The following TBC1D19 variants were observed in gnomAD, a reference collection of about 807,000 sequenced individuals.
TBC1D19 encodes the protein TBC1 domain family member 19.
Under a neutral mutation model 89.0 loss-of-function variants are expected in TBC1D19, and 60 were observed. The observed-to-expected ratio is 0.67, with a 90% CI of 0.55 to 0.84. The LOEUF (loss-of-function observed/expected upper bound fraction) is 0.84. Ranked by LOEUF, TBC1D19 falls within the 40% of genes least tolerant of loss-of-function variation. The probability of loss-of-function intolerance (pLI) is 0.00; values close to 1 mark genes in which losing one functional copy is unlikely to be tolerated. For synonymous variants in TBC1D19, 189 were observed against 199.7 expected (o/e 0.95, Z 0.45); for missense variants, 500 against 610.8 (o/e 0.82, Z 1.91).
chr4:26,591,757 C>T (rs901960686), intron 1 of TBC1D19, among the ~76,000 whole-genome samples: 7 of 152,300 alleles, frequency 4.6e-5, no homozygotes, highest in Non-Finnish European at 7.3e-5. Flanking sequence ...ATAAATTCCT[C>T]GACACATACA....
intron 1 of TBC1D19, among the ~76,000 whole-genome samples, chr4:26,606,369 T>A (rs260947): frequency 0.88 from 134,593 of 152,176 alleles, 61,739 homozygotes; most frequent in Non-Finnish European, 1. Context: ...TTGTGGACTT[T>A]AAAGGAGAAG....
intron 15 of TBC1D19, among the ~76,000 whole-genome samples, chr4:26,725,093 ACAAGATCCCCC>A (rs1278141840): frequency 2.6e-5 from 4 of 152,204 alleles, no homozygotes; most frequent in African/African-American, 9.7e-5. Context: ...ATATTTTGAT[ACAAGATCCCCC>A]TGGTACCAGC....
At chr4:26,652,298 C>T (rs1019070533) in intron 7 of TBC1D19, among the ~76,000 whole-genome samples, 1 of 152,112 alleles carries the variant, frequency 6.6e-6, no homozygotes, top group African/African-American at 2.4e-5. Flanking sequence ...GTACCAGCTC[C>T]TCTTTGTACC....
chr4:26,683,622 G>T, intron 11 of TBC1D19, 53 bp from the exon 12 acceptor site: 1 of 1,443,660 alleles, frequency 6.9e-7, no homozygotes, highest in South Asian at 1.2e-5. Flanking sequence ...GTTTAAGGCT[G>T]ACTTTATAAA....
chr4:26,648,884 C>G (rs61336088), intron 7 of TBC1D19, among the ~76,000 whole-genome samples: 8,973 of 151,988 alleles, frequency 0.059, 300 homozygotes, highest in East Asian at 0.11. Context: ...AACATTGTTT[C>G]TTTGAGGACA....
At chr4:26,694,737 A>G (rs1157835496) in intron 13 of TBC1D19, among the ~76,000 whole-genome samples, 1 of 152,224 alleles carries the variant, frequency 6.6e-6, no homozygotes, top group Non-Finnish European at 1.5e-5. Context: ...CTCTTCAGCT[A>G]TATTCGCTGT....
chr4:26,614,654 G>A (rs866123322), intron 3 of TBC1D19, among the ~76,000 whole-genome samples: 2 of 151,854 alleles, frequency 1.3e-5, no homozygotes, highest in African/African-American at 4.8e-5. Flanking sequence ...TTTTGTTTTT[G>A]TTTTTTACCA....
intron 15 of TBC1D19, among the ~76,000 whole-genome samples, chr4:26,734,934 G>GTGTATATATGTATACACATGTATA (rs1717883991): frequency 8.5e-6 from 1 of 118,056 alleles, no homozygotes; most frequent in African/African-American, 3.2e-5. Context: ...ACATATATGT[G>GTGTATATATGTATACACATGTATA]TGTATATATG....
At chr4:26,617,334 A>G (rs1419178422) in intron 3 of TBC1D19, among the ~76,000 whole-genome samples, 1 of 152,224 alleles carries the variant, frequency 6.6e-6, no homozygotes, top group Non-Finnish European at 1.5e-5. Context: ...TGAGTTTTGG[A>G]AAGGACAAAC....
downstream of TBC1D19, among the ~76,000 whole-genome samples, chr4:26,758,946 C>T (rs1719363154): frequency 6.6e-6 from 1 of 152,190 alleles, no homozygotes; most frequent in Admixed American, 6.5e-5. Flanking sequence ...TTGTATATTT[C>T]AGACCTACTG....
At chr4:26,760,404 A>G (rs1719416702), downstream of TBC1D19, among the ~76,000 whole-genome samples, 1 of 152,080 alleles carries the variant, frequency 6.6e-6, no homozygotes, top group African/African-American at 2.4e-5. Context: ...CCCTACAAAA[A>G]ATACAAAAAA....
chr4:26,643,077 C>A (rs1304059055), intron 7 of TBC1D19, among the ~76,000 whole-genome samples: 4 of 152,166 alleles, frequency 2.6e-5, no homozygotes, highest in Non-Finnish European at 5.9e-5. Flanking sequence ...CCAAGCTGAT[C>A]TAATAGACAT....
At chr4:26,856,851 C>T in the TBC1D19 span, among the ~76,000 whole-genome samples, 473 of 152,280 alleles carry the variant, frequency 3.1e-3, no homozygotes, top group African/African-American at 0.01. Context: ...ATAATATAAA[C>T]GACTCACCCC....
the TBC1D19 span, among the ~76,000 whole-genome samples, chr4:26,775,299 T>A: frequency 2.0e-5 from 3 of 151,928 alleles, no homozygotes; most frequent in African/African-American, 7.3e-5. Context: ...AAAACATTTT[T>A]AAAAATTAAC....
At chr4:26,801,805 A>G in the TBC1D19 span, among the ~76,000 whole-genome samples, 1 of 152,214 alleles carries the variant, frequency 6.6e-6, no homozygotes, top group African/African-American at 2.4e-5. Context: ...TGACCAACGC[A>G]TATGTGAAAA....
chr4:26,843,024 T>C, the TBC1D19 span, among the ~76,000 whole-genome samples: 2 of 152,174 alleles, frequency 1.3e-5, no homozygotes, highest in Non-Finnish European at 2.9e-5. Flanking sequence ...AACAGGTCTT[T>C]CAGGCAGCAT....
intron 13 of TBC1D19, among the ~76,000 whole-genome samples, chr4:26,701,426 A>G (rs751353843): frequency 2.6e-5 from 4 of 152,142 alleles, no homozygotes; most frequent in Admixed American, 2.6e-4. Context: ...TGATTATTTT[A>G]TAATTGTCTC....
At chr4:26,786,857 G>T in the TBC1D19 span, among the ~76,000 whole-genome samples, 1 of 152,142 alleles carries the variant, frequency 6.6e-6, no homozygotes, top group Non-Finnish European at 1.5e-5. Flanking sequence ...TGATGAATGG[G>T]TGGGTGGGTG....
chr4:26,734,930 A>C (rs963431551), intron 15 of TBC1D19, among the ~76,000 whole-genome samples: 18 of 75,048 alleles, frequency 2.4e-4, no homozygotes, highest in African/African-American at 6.1e-4. Context: ...ATACACATAT[A>C]TGTGTGTATA....
Sources: gnomAD v4.1 joint callset for allele counts (sites outside exome capture counted in the v4.1 genomes callset) on GRCh38, gnomAD v4.1.1 for gene constraint, MANE v1.5 for transcripts, NCBI Gene and HGNC (gene_info 2026-07-23, HGNC 2026-07-21) for gene names.